ADGRV1: variants seen among roughly 807,000 people sequenced by gnomAD.
ADGRV1 encodes the protein G-protein coupled receptor 98.
ADGRV1 carries 359 observed loss-of-function variants against 596.2 expected under a neutral mutation model. The ratio of observed to expected loss-of-function variants is 0.60; its 90% confidence interval spans 0.55 to 0.66. ADGRV1 has a LOEUF of 0.66. Among genes scored for constraint, ADGRV1 ranks in the 30% least tolerant of loss-of-function variants. The pLI, the probability that ADGRV1 is intolerant of heterozygous loss-of-function variation, is 0.00. For missense variants in ADGRV1, 7,274 were observed against 7,575.6 expected (o/e 0.96, Z 1.48); for synonymous variants, 2,681 against 2,679.2 (o/e 1.00, Z -0.02).
chr5:90,784,035 G>T lies in ADGRV1; in HGVS notation c.13631G>T (p.Gly4544Val). The T allele has an allele frequency of 6.2e-7, 1 of 1,611,890 alleles. No individual in the cohort carries two copies. Among genetic ancestry groups the T allele is most frequent in the South Asian group, 1.1e-5 (1 of 90,706 alleles). Reference sequence around the variant, plus strand: ...TTATCACTGGTGCTGGAGCGGACTGGAGGACTCTTGGGAGAGATTCAGGTA... The same window carrying T: ...TTATCACTGGTGCTGGAGCGGACTGTAGGACTCTTGGGAGAGATTCAGGTA... ...MILSLVLERT[G>V]GLLGEIQVNW... The change falls in exon 67 of 90, where the codon GGA becomes GTA. Residue 4544 changes from glycine to valine, a missense_variant. Around this residue, in one of 5 missense-constraint regions of ADGRV1, gnomAD observed 3,643 missense variants for 3,809.2 expected, o/e 0.96. Transcript: ENST00000405460.
intron 79 of ADGRV1, among the ~76,000 whole-genome samples, chr5:90,851,163 GAGAGAATGA>G (rs1312987407): frequency 2.8e-5 from 4 of 145,150 alleles, no homozygotes; most frequent in Non-Finnish European, 6.1e-5. Context: ...GAGAGAGAGA[GAGAGAATGA>G]ATCTGACTTT....
intron 1 of ADGRV1, among the ~76,000 whole-genome samples, chr5:90,578,592 G>A (rs1341277750): frequency 6.6e-6 from 1 of 152,152 alleles, no homozygotes; most frequent in Non-Finnish European, 1.5e-5. Flanking sequence ...TTGTGTCTCT[G>A]CCAGGCTTTG....
At chr5:90,763,153 G>T (rs1253242310) in intron 58 of ADGRV1, 152 bp from the exon 59 acceptor site, 1 of 637,554 alleles carries the variant, frequency 1.6e-6, no homozygotes, top group Non-Finnish European at 2.5e-6. Context: ...AGTGGGATTT[G>T]GTAAAAAAAA....
intron 1 of ADGRV1, among the ~76,000 whole-genome samples, chr5:90,595,729 G>T (rs1364318764): frequency 3.0e-4 from 39 of 131,654 alleles, no homozygotes; most frequent in East Asian, 7.4e-4. Context: ...CTTCCCAGTA[G>T]GGGCGGCCGG....
chr5:90,978,290 A>G (rs1476829775), intron 84 of ADGRV1, among the ~76,000 whole-genome samples: 1 of 142,390 alleles, frequency 7.0e-6, no homozygotes, highest in Non-Finnish European at 1.5e-5. Context: ...GCGAGACTTC[A>G]TCTCAAAATA....
rs777626809 is a variant in ADGRV1 at position 91,150,005 on chromosome 5, T to C, written c.18433-25T>C. On this transcript the variant is annotated intron_variant, in intron 87 of 89. Coordinates refer to ENST00000405460, the MANE Select transcript of ADGRV1 (RefSeq NM_032119.4). ...TGATGTTCTTTTTCTTTTTCTTTTC[T>C]TTTCTTTTTTTTTTTTTTTTGCAGG... 39 of 1,407,714 alleles carry C rather than the reference T, an allele frequency of 2.8e-5. No individual in the cohort carries two copies. In the East Asian group the frequency reaches 6.4e-4, roughly 23 times the overall value. The allele number at this position is 1,407,714 out of a possible 1,614,324, so 87.2% of individuals were successfully genotyped here.
intron 73 of ADGRV1, among the ~76,000 whole-genome samples, chr5:90,808,095 A>G (rs899596349): frequency 2.6e-5 from 4 of 152,238 alleles, no homozygotes; most frequent in African/African-American, 9.6e-5. Context: ...ATTAAGTAAG[A>G]ATAAGACATC....
At chr5:90,965,285 G>A (rs902745227) in intron 83 of ADGRV1, 130 bp from the exon 84 acceptor site, 6 of 635,370 alleles carry the variant, frequency 9.4e-6, no homozygotes, top group African/African-American at 9.1e-5. Context: ...ATATCAGTTT[G>A]GGCAAGAAGT....
intron 85 of ADGRV1, among the ~76,000 whole-genome samples, chr5:91,044,754 A>G (rs752769602): frequency 1.3e-5 from 2 of 152,180 alleles, no homozygotes; most frequent in Admixed American, 1.3e-4. Context: ...TTAAAGATAA[A>G]AGAATAAATG....
chr5:90,662,592 TTTTTTTC>T (rs915669172), intron 21 of ADGRV1, among the ~76,000 whole-genome samples: 2 of 152,014 alleles, frequency 1.3e-5, no homozygotes, highest in African/African-American at 2.4e-5. Flanking sequence ...CTGGTAGTTT[TTTTTTTC>T]TTTTTTTCTT....
chr5:90,706,731 A>T (rs1358384199), intron 38 of ADGRV1, among the ~76,000 whole-genome samples: 3 of 34,398 alleles, frequency 8.7e-5, no homozygotes, highest in Non-Finnish European at 2.1e-4. Context: ...TTCTATTAGT[A>T]AAAAAAAAAA....
intron 58 of ADGRV1, 170 bp downstream of exon 58, chr5:90,759,758 G>A (rs1756266395): frequency 1.6e-6 from 1 of 623,204 alleles, no homozygotes; most frequent in Non-Finnish European, 2.9e-6. Context: ...GAGGTCAGGA[G>A]ATTGACACCA....
chr5:90,793,243 T>C (rs994112978), intron 70 of ADGRV1: 3 of 152,244 alleles, frequency 2.0e-5, no homozygotes, highest in Admixed American at 1.3e-4. Flanking sequence ...CAGAGTATCA[T>C]TGTATCAAGT....
chr5:90,798,221 A>G (rs1399111880), intron 70 of ADGRV1, among the ~76,000 whole-genome samples: 2 of 152,220 alleles, frequency 1.3e-5, no homozygotes, highest in Admixed American at 6.5e-5. Flanking sequence ...AAATAGACAC[A>G]ATAAAAAATG....
intron 86 of ADGRV1, among the ~76,000 whole-genome samples, chr5:91,091,061 T>A (rs1172388575): frequency 6.6e-6 from 1 of 152,196 alleles, no homozygotes; most frequent in Admixed American, 6.5e-5. Flanking sequence ...AAATTTGACT[T>A]CTCAATGGCC....
In ADGRV1 at chr5:91,057,915, A is replaced by T. The variant is rs537723627; in HGVS notation, c.18153-14532A>T. ...CGTGTGTCTGTGCTGCCCAGGTATT[A>T]CTAGTGAGTATTATACTTAGGAATG... is the stretch of plus-strand genomic sequence containing the variant. On this transcript the variant is annotated intron_variant, in intron 85 of 89. Coordinates refer to ENST00000405460, the MANE Select transcript of ADGRV1 (RefSeq NM_032119.4). Among the ~76,000 whole-genome samples, 11 of 152,310 alleles carry T rather than the reference A, an allele frequency of 7.2e-5. No individual in the cohort carries two copies. The East Asian group carries it at 1.7e-3, about 24-fold the overall frequency.
intron 34 of ADGRV1, among the ~76,000 whole-genome samples, chr5:90,698,019 T>C (rs967402028): frequency 6.6e-6 from 1 of 152,334 alleles, no homozygotes. Flanking sequence ...GAATGTATTT[T>C]ACTGTATTAC....
chr5:90,934,620 C>T (rs928152882), intron 83 of ADGRV1, among the ~76,000 whole-genome samples: 1 of 152,158 alleles, frequency 6.6e-6, no homozygotes, highest in Non-Finnish European at 1.5e-5. Flanking sequence ...TCCAGACTTT[C>T]AATTGTTGGG....
intron 15 of ADGRV1, 85 bp from the exon 16 acceptor site, chr5:90,645,883 T>C (rs564464620): frequency 6.4e-5 from 72 of 1,121,422 alleles, no homozygotes; most frequent in Non-Finnish European, 7.8e-5. Flanking sequence ...TGGTGCTTTT[T>C]TAAAAAAACT....
Sources: gnomAD v4.1 joint callset for allele counts (sites outside exome capture counted in the v4.1 genomes callset) on GRCh38, gnomAD v4.1.1 for gene constraint, gnomAD v4.1.1 regional missense constraint, MANE v1.5 for transcripts, NCBI Gene and HGNC (gene_info 2026-07-23, HGNC 2026-07-21) for gene names.